Variants in SEC31A observed in about 807,000 individuals in gnomAD.
SEC31A encodes the protein protein transport protein Sec31A.
Under a neutral mutation model 151.0 loss-of-function variants are expected in SEC31A, and 70 were observed. The ratio of observed to expected loss-of-function variants is 0.46; its 90% CI spans 0.38 to 0.57. The LOEUF (loss-of-function observed/expected upper bound fraction) is 0.57, where lower values mean the gene tolerates loss of function less well. SEC31A is among the 20% of genes least tolerant of loss of function. The pLI is 0.00. For missense variants in SEC31A, 1,330 were observed against 1,471.2 expected, an observed-to-expected ratio of 0.90 and a Z score of 1.57; for synonymous variants, 475 against 505.9, an observed-to-expected ratio of 0.94 and a Z score of 0.82.
chr4:82,866,423 G>T (rs990921801), intron 10 of SEC31A, among the ~76,000 whole-genome samples: 3 of 151,912 alleles, frequency 2.0e-5, no homozygotes, highest in Admixed American at 6.6e-5. Flanking sequence ...GTGAGCCAAG[G>T]TTGTGCCACT....
intron 10 of SEC31A, among the ~76,000 whole-genome samples, chr4:82,865,536 G>GCATATATA (rs1735118969): frequency 7.3e-6 from 1 of 137,156 alleles, no homozygotes; most frequent in South Asian, 2.5e-4. Flanking sequence ...AAAAAATGTG[G>GCATATATA]TATATATATA....
At chr4:82,869,790 C>T (rs889448890) in intron 8 of SEC31A, among the ~76,000 whole-genome samples, 1 of 152,150 alleles carries the variant, frequency 6.6e-6, no homozygotes, top group Non-Finnish European at 1.5e-5. Flanking sequence ...CGAAGACACT[C>T]TTTATTTTTA....
chr4:82,854,364 CAAAA>C (rs11349113), intron 17 of SEC31A, among the ~76,000 whole-genome samples: 7 of 130,250 alleles, frequency 5.4e-5, no homozygotes, highest in Non-Finnish European at 8.3e-5. Flanking sequence ...ACTCCGTCTC[CAAAA>C]AAAAAAAAAA....
chr4:82,819,280 G>A (rs756434695), intron 26 of SEC31A, 27 bp from the exon 27 acceptor site: 1 of 1,516,100 alleles, frequency 6.6e-7, no homozygotes. Flanking sequence ...CCAAGAGAAA[G>A]AATTAAATTA....
At position 82,857,052 on chromosome 4, in the gene SEC31A, C is replaced by T. The variant is rs765107816; in HGVS notation, c.1781G>A (p.Arg594His). The change falls in exon 16 of 27, where the codon CGC becomes CAC. Residue 594 changes from arginine to histidine, a missense_variant. By Grantham distance (29) the Arg-to-His change is conservative. Transcript: ENST00000395310. Reference sequence around the variant, plus strand: ...GGCCAATATAATGGCATCGGCCATGCGGTTATCATGTAAACAAAGGTCAAC... The same window carrying T: ...GGCCAATATAATGGCATCGGCCATGTGGTTATCATGTAAACAAAGGTCAAC... ...SAVDLCLHDN[R>H]MADAIILAIA... The T allele has an allele frequency of 5.6e-6, 9 of 1,613,804 alleles. No homozygotes were observed. The Admixed American group carries it at 8.3e-5, about 15-fold the overall frequency.
intron 21 of SEC31A, 163 bp downstream of exon 21, chr4:82,844,223 C>G: frequency 1.5e-6 from 1 of 667,944 alleles, no homozygotes; most frequent in Non-Finnish European, 2.5e-6. Flanking sequence ...GTGATTCAGG[C>G]CACCTCCTAA....
chr4:82,888,373 ACAC>A (rs1427044992), intron 1 of SEC31A, among the ~76,000 whole-genome samples: 6 of 31,116 alleles, frequency 1.9e-4, no homozygotes, highest in African/African-American at 3.1e-4. Flanking sequence ...AAAAAAAAAA[ACAC>A]ACAAAAAACA....
upstream of SEC31A, chr4:82,895,628 A>G (rs1167184697): frequency 6.6e-6 from 1 of 152,220 alleles, no homozygotes; most frequent in Non-Finnish European, 1.5e-5. Context: ...ATAAATGTCA[A>G]TTTTCTGCTC....
chr4:82,872,433 C>T (rs762531399), intron 6 of SEC31A, among the ~76,000 whole-genome samples: 1 of 152,168 alleles, frequency 6.6e-6, no homozygotes, highest in Admixed American at 6.5e-5. Flanking sequence ...AAATGATCCA[C>T]CCACCTCGGC....
At chr4:82,873,917 CAAG>C (rs1028768066) in intron 6 of SEC31A, among the ~76,000 whole-genome samples, 5 of 152,048 alleles carry the variant, frequency 3.3e-5, no homozygotes, top group Non-Finnish European at 7.4e-5. Context: ...GAGATGAGGC[CAAG>C]AAGTCAAATA....
chr4:82,830,364 G>A (rs974413067), intron 22 of SEC31A, among the ~76,000 whole-genome samples: 2 of 152,242 alleles, frequency 1.3e-5, no homozygotes, highest in Non-Finnish European at 2.9e-5. Flanking sequence ...AGGAGCTGAG[G>A]CAGGAGAATT....
chr4:82,833,953 A>G (rs1369530840), intron 22 of SEC31A, among the ~76,000 whole-genome samples: 1 of 152,160 alleles, frequency 6.6e-6, no homozygotes, highest in African/African-American at 2.4e-5. Flanking sequence ...GTAGAGTGCA[A>G]TTCTAATGTT....
At chr4:82,852,978 C>A (rs965546388) in intron 18 of SEC31A, among the ~76,000 whole-genome samples, 1 of 152,170 alleles carries the variant, frequency 6.6e-6, no homozygotes, top group African/African-American at 2.4e-5. Context: ...AGGGTTCGTG[C>A]TCCCACGAGA....
intron 3 of SEC31A, among the ~76,000 whole-genome samples, chr4:82,897,580 C>CA (rs950821671): frequency 6.0e-5 from 9 of 150,886 alleles, no homozygotes; most frequent in African/African-American, 1.5e-4. Flanking sequence ...ACCAAATATA[C>CA]AAAAAAAAAT....
At chr4:82,863,488 AT>A in intron 11 of SEC31A, 96 bp from the exon 12 acceptor site, 1 of 670,878 alleles carries the variant, frequency 1.5e-6, no homozygotes, top group Non-Finnish European at 2.4e-6. Context: ...ATTATTAAAA[AT>A]ATCTGAAGTC....
chr4:82,872,478 C>T (rs1197722420), intron 6 of SEC31A, among the ~76,000 whole-genome samples: 2 of 151,956 alleles, frequency 1.3e-5, no homozygotes, highest in African/African-American at 4.8e-5. Context: ...CATGAGCCAC[C>T]GCGCCTGGCC....
At chr4:82,888,203 C>T (rs985409319) in intron 1 of SEC31A, among the ~76,000 whole-genome samples, 3 of 148,794 alleles carry the variant, frequency 2.0e-5, no homozygotes, top group African/African-American at 7.5e-5. Context: ...GGCGAAACCC[C>T]GTCTCCACTA....
chr4:82,835,743 C>T (rs1727068220), intron 22 of SEC31A, among the ~76,000 whole-genome samples: 1 of 151,768 alleles, frequency 6.6e-6, no homozygotes, highest in Admixed American at 6.6e-5. Flanking sequence ...TGCAGTGAGT[C>T]GAGATTGAGC....
In SEC31A at chr4:82,864,423, C is replaced by G; in HGVS notation, c.1373G>C (p.Cys458Ser). ...AVQSQGFINY[C>S]QKKIDASQTE... ...CTGAGAAGCATCAATTTTTTTTTGG[C>G]AATAATTGATAAATCCTTGTGACTG... The change falls in exon 11 of 27, where the codon TGC becomes TCC. Residue 458 changes from cysteine to serine, a missense_variant. Physicochemically the swap from Cys to Ser is moderately radical, Grantham distance 112 (BLOSUM62 -1). Transcript: ENST00000395310. The G allele has an allele frequency of 6.2e-7, 1 of 1,612,986 alleles. No individual in the cohort carries two copies. The highest frequency in any genetic ancestry group is 8.5e-7 in the Non-Finnish European group (1 of 1,179,710).
Sources: allele counts gnomAD v4.1 joint callset (sites outside exome capture counted in the v4.1 genomes callset), GRCh38; gene constraint gnomAD v4.1.1; transcripts MANE v1.5; gene names NCBI Gene and HGNC (gene_info 2026-07-23, HGNC 2026-07-21).